The following TMED9 variants were observed in gnomAD, a reference collection of about 807,000 sequenced individuals.
TMED9 encodes the protein transmembrane p24 trafficking protein 9, also known as transmembrane emp24 domain-containing protein 9.
Under a neutral mutation model 30.6 loss-of-function variants are expected in TMED9, and 22 were observed. The ratio of observed to expected loss-of-function variants is 0.72; its 90% CI spans 0.51 to 1.03. The LOEUF is 1.03. Among genes scored for constraint, TMED9 ranks in the 50% least tolerant of loss-of-function variants. The probability of loss-of-function intolerance (pLI) is 0.00; values close to 1 mark genes in which losing one functional copy is unlikely to be tolerated. For missense variants in TMED9, 251 were observed against 302.1 expected (o/e 0.83, Z 1.25); for synonymous variants, 146 against 122.8 (o/e 1.19, Z -1.25).
chr5:177,596,358 G>C lies in TMED9; in HGVS notation c.*942G>C, dbSNP rs1413293341. Among the ~76,000 whole-genome samples, 2 of 152,216 alleles carry C rather than the reference G, an allele frequency of 1.3e-5. No homozygotes were observed. The highest frequency in any genetic ancestry group is 1.3e-4 in the Admixed American group (2 of 15,278). On this transcript the variant is annotated 3_prime_UTR_variant, in exon 5 of 5. Coordinates refer to ENST00000332598, the MANE Select transcript of TMED9 (RefSeq NM_017510.6). Reference sequence around the variant, plus strand: ...CCCTTTCCTCTGTGCCAGCTCCCTGGTGAAGTTCCCTCTTTCTAGAGTCAG... The same window carrying C: ...CCCTTTCCTCTGTGCCAGCTCCCTGCTGAAGTTCCCTCTTTCTAGAGTCAG...
Position 177,595,602 on chromosome 5 carries a change from T to G in TMED9, c.*186T>G. The G allele has an allele frequency of 1.7e-6, 1 of 583,894 alleles. No homozygotes were observed. The highest frequency in any genetic ancestry group is 2.8e-5 in the South Asian group (1 of 35,886). The allele number at this position is 583,894 out of a possible 1,614,324, so 36.2% of individuals were successfully genotyped here. ...AATACTGAGCAGGTAGTGGGGCAAA[T>G]TCCTGCCCTCTCTCTCTGGCCTCTG... On this transcript the variant is annotated 3_prime_UTR_variant, in exon 5 of 5. Transcript: ENST00000332598.
intron 2 of TMED9, chr5:177,593,422 C>G (rs760868879): frequency 1.1e-4 from 53 of 503,440 alleles, no homozygotes; most frequent in Middle Eastern, 4.4e-4. Flanking sequence ...CAAGAGCAGT[C>G]AGTCACTTGC....
Position 177,595,659 on chromosome 5 carries a change from T to TA in TMED9, c.*246dup, listed in dbSNP as rs1170518561. On this transcript the variant is annotated 3_prime_UTR_variant, in exon 5 of 5. Transcript: ENST00000332598. ...TTGGTAGTAATCACCCAAGGGCTGG[T>TA]AAAGCCCCTCCTCTTGGCACCTCAG... 1 of 210,670 alleles carries TA rather than the reference T, an allele frequency of 4.7e-6. No individual in the cohort carries two copies. Among genetic ancestry groups the TA allele is most frequent in the Non-Finnish European group, 9.2e-6 (1 of 109,246 alleles). 13.1% of individuals were successfully genotyped at this position (210,670 alleles called of 1,614,324 possible).
Position 177,596,689 on chromosome 5 carries a change from G to A in TMED9, c.*1273G>A, listed in dbSNP as rs757955556. ...AGGAAGGTTGGATTAGAGAAGCCTC[G>A]AGCTCCAGGTAAGCGATTTGGACAT... On this transcript the variant is annotated 3_prime_UTR_variant, in exon 5 of 5. Transcript: ENST00000332598. Among the ~76,000 whole-genome samples the A allele has an allele frequency of 6.6e-6, 1 of 152,132 alleles. No individual in the cohort carries two copies.
intron 2 of TMED9, 69 bp from the exon 3 acceptor site, chr5:177,593,581 C>G (rs1767631050): frequency 2.5e-6 from 4 of 1,592,672 alleles, no homozygotes; most frequent in Admixed American, 1.7e-5. Context: ...TACTTAGAGC[C>G]TTAAGCACTG....
rs1767679538 is a variant in TMED9 at position 177,595,786 on chromosome 5, G to A, written c.*370G>A. ...TTCTGTCTTCCTTTGCTAACTTAGG[G>A]TTTTGAGCAGGTTGGGGTATGGTGC... On this transcript the variant is annotated 3_prime_UTR_variant, in exon 5 of 5. Coordinates refer to ENST00000332598, the MANE Select transcript of TMED9 (RefSeq NM_017510.6). The A allele has an allele frequency of 6.4e-6, 1 of 157,464 alleles. No individual in the cohort carries two copies. The highest frequency in any genetic ancestry group is 2.4e-5 in the African/African-American group (1 of 41,562). 9.8% of individuals were successfully genotyped at this position (157,464 alleles called of 1,614,324 possible).
In TMED9 at chr5:177,596,600, A is replaced by T. The variant is rs540679136; in HGVS notation, c.*1184A>T. Among the ~76,000 whole-genome samples the T allele has an allele frequency of 6.6e-6, 1 of 152,316 alleles. No homozygotes were observed. The highest frequency in any genetic ancestry group is 2.1e-4 in the South Asian group (1 of 4,828). On this transcript the variant is annotated 3_prime_UTR_variant, in exon 5 of 5. Coordinates refer to ENST00000332598, the MANE Select transcript of TMED9 (RefSeq NM_017510.6). ...GGTGGTTGGAGAAGTGGAGGCAAAC[A>T]GCTGGAATGGAGGTGGGTGGGTGTT...
At position 177,592,409 on chromosome 5, in the gene TMED9, G is replaced by A; in HGVS notation, c.184+11G>A. 1 of 1,586,626 alleles carries A rather than the reference G, an allele frequency of 6.3e-7. No individual in the cohort carries two copies. On this transcript the variant is annotated intron_variant, in intron 1 of 4. Transcript: ENST00000332598. ...AGACCATGGTCATAGGTGCGGGGGC[G>A]GGGAGGAAGGGGCGAGTTTGGAACG...
chr5:177,593,651 T>A lies in TMED9; in HGVS notation c.287T>A (p.Val96Asp). The change falls in exon 3 of 5, where the codon GTC becomes GAC. Residue 96 changes from valine to aspartate, a missense_variant and splice_region_variant. By Grantham distance (152) the Val-to-Asp change is radical. Transcript: ENST00000332598. ...FVEVKDPEDK[V>D]ILARQYGSEG... Reference sequence around the variant, plus strand: ...CTGAAGCTTGTTACCTTCCTCCAGGTCATCCTGGCCCGGCAGTATGGCTCC... The same window carrying A: ...CTGAAGCTTGTTACCTTCCTCCAGGACATCCTGGCCCGGCAGTATGGCTCC... 6.2e-7 allele frequency: 1 copy of A among 1,614,182 alleles called. No individual in the cohort carries two copies. The highest frequency in any genetic ancestry group is 8.5e-7 in the Non-Finnish European group (1 of 1,179,998).
At chr5:177,593,365 A>G in intron 2 of TMED9, 1 of 305,326 alleles carries the variant, frequency 3.3e-6, no homozygotes, top group Non-Finnish European at 6.0e-6. Context: ...AAAACAACTC[A>G]CACCAAAAAA....
At position 177,592,209 on chromosome 5, in the gene TMED9, A is replaced by G. The variant is rs1468901551; in HGVS notation, c.-6A>G. On this transcript the variant is annotated 5_prime_UTR_variant, in exon 1 of 5. Transcript: ENST00000332598. ...CGGCTGCGGCTGCGCAGGCAGGTGG[A>G]GCAAGATGGCTGTGGAGCTGGGCGT... 1.3e-6 allele frequency: 2 copies of G among 1,591,778 alleles called. No homozygotes were observed. Among genetic ancestry groups the G allele is most frequent in the East Asian group, 4.7e-5 (2 of 42,916 alleles).
chr5:177,595,380 C>T lies in TMED9; in HGVS notation c.672C>T (p.His224=). 1.2e-6 allele frequency: 2 copies of T among 1,612,440 alleles called. No individual in the cohort carries two copies. Among genetic ancestry groups the T allele is most frequent in the South Asian group, 2.2e-5 (2 of 90,924 alleles). ...CCATCGGTGTCTGGCAGATGCGGCACCTCAAGAGCTTCTTTGAAGCCAAGA... is the reference window on the plus strand; with the variant it reads ...CCATCGGTGTCTGGCAGATGCGGCATCTCAAGAGCTTCTTTGAAGCCAAGA... ...LVAIGVWQMR[H]LKSFFEAKKL... is the part of the protein sequence containing the mutation. The change falls in exon 5 of 5, where the codon CAC becomes CAT. Residue 224 remains histidine, a synonymous_variant. Transcript: ENST00000332598.
chr5:177,593,791 T>C lies in TMED9; in HGVS notation c.411+16T>C. The C allele has an allele frequency of 1.2e-6, 2 of 1,613,932 alleles. No individual in the cohort carries two copies. The highest frequency in any genetic ancestry group is 1.3e-5 in the African/African-American group (1 of 75,062). On this transcript the variant is annotated intron_variant, in intron 3 of 4. Coordinates refer to ENST00000332598, the MANE Select transcript of TMED9 (RefSeq NM_017510.6). ...AGGCATGCTGGTAAGTGGGCCCATG[T>C]GAGACTTGCAGGTTTCAGCCTTCAT...
At chr5:177,592,981 C>T (rs1453354507) in intron 2 of TMED9, among the ~76,000 whole-genome samples, 9 of 152,006 alleles carry the variant, frequency 5.9e-5, no homozygotes, top group Admixed American at 2.0e-4. Flanking sequence ...CGGCAAAACC[C>T]TTCAGCTCTC....
Position 177,592,556 on chromosome 5 carries a change from T to C in TMED9, c.185-19T>C. 2 of 1,606,552 alleles carry C rather than the reference T, an allele frequency of 1.2e-6. No homozygotes were observed. On this transcript the variant is annotated intron_variant, in intron 1 of 4. Coordinates refer to ENST00000332598, the MANE Select transcript of TMED9 (RefSeq NM_017510.6). The stretch of plus-strand genomic sequence containing the variant: ...CACCTCGCGCTCCTCTGACCTGGGC[T>C]CGCCCTGCTTCCCTCAAGGAAACTA...
rs767985810 is a variant in TMED9 at position 177,592,567 on chromosome 5, C to T, written c.185-8C>T. On this transcript the variant is annotated splice_polypyrimidine_tract_variant and splice_region_variant and intron_variant, in intron 1 of 4. Transcript: ENST00000332598. ...CCTCTGACCTGGGCTCGCCCTGCTT[C>T]CCTCAAGGAAACTACCGGACGCAGC... 1.9e-6 allele frequency: 3 copies of T among 1,611,452 alleles called. No individual in the cohort carries two copies. The highest frequency in any genetic ancestry group is 2.5e-6 in the Non-Finnish European group (3 of 1,178,734).
chr5:177,593,046 T>C (rs1214391341), intron 2 of TMED9, among the ~76,000 whole-genome samples: 1 of 151,458 alleles, frequency 6.6e-6, no homozygotes, highest in Admixed American at 6.6e-5. Flanking sequence ...GGCTCTTGCC[T>C]GTAATCCCAG....
rs1561809035 is a variant in TMED9, at chr5:177,592,288, T to A, written c.74T>A (p.Leu25His). ...GGGCTGGGTAGAGTGATGCGGACCC[T>A]CCTGCTGGTGCTGTGGCTGGCGACG... Reference protein sequence around the residue: ...GTGLGRVMRTLLLVLWLATRG... With the variant: ...GTGLGRVMRTHLLVLWLATRG... The change falls in exon 1 of 5, where the codon CTC becomes CAC. Residue 25 changes from leucine (L) to histidine (H), a missense_variant. Physicochemically the swap from Leu to His is moderately conservative, Grantham distance 99. This residue lies in a region of TMED9 where 98 missense variants were observed against 62.5 expected (regional missense o/e 1.57). Coordinates refer to ENST00000332598, the MANE Select transcript of TMED9 (RefSeq NM_017510.6). The A allele has an allele frequency of 1.9e-6, 3 of 1,611,740 alleles. No homozygotes were observed. Among genetic ancestry groups the A allele is most frequent in the Non-Finnish European group, 2.5e-6 (3 of 1,179,108 alleles).
chr5:177,592,856 C>CT (rs1767616679), intron 2 of TMED9, among the ~76,000 whole-genome samples, 181 bp downstream of exon 2: 1 of 152,144 alleles, frequency 6.6e-6, no homozygotes, highest in South Asian at 2.1e-4. Context: ...TGATAAAAAT[C>CT]AAAGAGTTTT....
Sources: allele counts gnomAD v4.1 joint callset (sites outside exome capture counted in the v4.1 genomes callset), GRCh38; gene constraint gnomAD v4.1.1; regional missense constraint gnomAD v4.1.1; transcripts MANE v1.5; gene names NCBI Gene and HGNC (gene_info 2026-07-23, HGNC 2026-07-21).